Variants in LAMP1 observed in about 807,000 individuals in gnomAD.
LAMP1 encodes the protein lysosome-associated membrane glycoprotein 1.
Under a neutral mutation model 37.5 loss-of-function variants are expected in LAMP1, and 7 were observed. The observed-to-expected ratio is 0.19, with a 90% CI of 0.11 to 0.35. The LOEUF is 0.35. Among genes scored for constraint, LAMP1 ranks in the 10% least tolerant of loss-of-function variants. The probability of loss-of-function intolerance (pLI) is 1.00; values close to 1 mark genes in which losing one functional copy is unlikely to be tolerated. For missense variants in LAMP1, 537 were observed against 552.8 expected, an observed-to-expected ratio of 0.97 and a Z score of 0.29; for synonymous variants, 236 against 229.1, an observed-to-expected ratio of 1.03 and a Z score of -0.27.
Position 113,297,974 on chromosome 13 carries a change from C to T in LAMP1, c.61+479C>T, listed in dbSNP as rs556463012. 3.9e-5 allele frequency among the ~76,000 whole-genome samples: 6 copies of T among 152,288 alleles called. No homozygotes were observed. The South Asian group carries it at 1.2e-3, about 32-fold the overall frequency. ...GATTTCACCCAGGACAGGGAGAAGC[C>T]GGTGCGAGCATTCCCCACCTTTGTA... is the stretch of plus-strand genomic sequence containing the variant. On this transcript the variant is annotated intron_variant, in intron 1 of 8. Transcript: ENST00000332556. The surrounding 1 kb of genome is among the most constrained non-coding windows in gnomAD (Gnocchi z 4.4).
At position 113,323,591 on chromosome 13, in the gene LAMP1, C is replaced by T. The variant is rs900232619; in HGVS notation, c.*1170C>T. On this transcript the variant is annotated 3_prime_UTR_variant, in exon 9 of 9. Coordinates refer to ENST00000332556, the MANE Select transcript of LAMP1 (RefSeq NM_005561.4). ...CGTAGGGAATGGTGTTGGGAGTGGC[C>T]CGAGTGCCTGGCACAGTTGTCTGGT... The T allele has an allele frequency of 6.6e-6, 1 of 150,696 alleles. No individual in the cohort carries two copies. The highest frequency in any genetic ancestry group is 1.5e-5 in the Non-Finnish European group (1 of 67,748). 9.3% of individuals were successfully genotyped at this position (150,696 alleles called of 1,614,324 possible).
In LAMP1 at chr13:113,321,447, A is replaced by T. The variant is rs1173142497; in HGVS notation, c.920A>T (p.Asn307Ile). Residue 307 changes from asparagine (N) to isoleucine (I), a missense_variant, in exon 7 of 9, where the codon AAT becomes ATT. Asn to Ile is a moderately radical substitution (Grantham distance 149, BLOSUM62 -3). Coordinates refer to ENST00000332556, the MANE Select transcript of LAMP1 (RefSeq NM_005561.4). This position sits in a 1 kb window ranked among gnomAD's most constrained non-coding sequence, Gnocchi z 5.6. Reference protein sequence around the residue: ...SRFFLQGIQLNTILPDARDPA... With the variant: ...SRFFLQGIQLITILPDARDPA... ...TTTTTCCTACAAGGAATCCAGTTGA[A>T]TACAATTCTTCCTGACGCCAGAGGT... 1.9e-6 allele frequency: 3 copies of T among 1,614,162 alleles called. No individual in the cohort carries two copies. The South Asian group carries it at 3.3e-5, about 18-fold the overall frequency.
chr13:113,306,379 A>G (rs2042598407), intron 1 of LAMP1, 106 bp from the exon 2 acceptor site: 10 of 1,178,916 alleles, frequency 8.5e-6, no homozygotes, highest in Admixed American at 2.4e-5. Flanking sequence ...GAAACAGTGG[A>G]ATCTTGTAAT....
Position 113,299,672 on chromosome 13 carries a change from A to C in LAMP1, c.61+2177A>C, listed in dbSNP as rs1243130783. Among the ~76,000 whole-genome samples, 11 of 150,778 alleles carry C rather than the reference A, an allele frequency of 7.3e-5. No homozygotes were observed. In the Admixed American group the frequency reaches 7.3e-4, roughly 10 times the overall value. On this transcript the variant is annotated intron_variant, in intron 1 of 8. Transcript: ENST00000332556. ...CAGCCTCCGCCTCTTGTGTTCAAGC[A>C]GTTCTCCTGCCTCAGCCTCCCTAGT...
intron 4 of LAMP1, among the ~76,000 whole-genome samples, chr13:113,313,658 G>T (rs536197517): frequency 2.8e-5 from 4 of 145,450 alleles, no homozygotes; most frequent in African/African-American, 8.0e-5. Context: ...GAGGGAGTCA[G>T]TGTGGAGATG....
At chr13:113,319,904 T>C (rs899261479) in intron 5 of LAMP1, among the ~76,000 whole-genome samples, 4 of 152,372 alleles carry the variant, frequency 2.6e-5, no homozygotes, top group African/African-American at 9.6e-5. Context: ...TATTGGGCAG[T>C]GTGGCCCACA....
intron 1 of LAMP1, among the ~76,000 whole-genome samples, chr13:113,301,949 G>A (rs1181316751): frequency 1.5e-5 from 2 of 134,388 alleles, no homozygotes; most frequent in Non-Finnish European, 1.5e-5. Context: ...TGCAAGCTCC[G>A]CCTCCCAGGT....
intron 2 of LAMP1, among the ~76,000 whole-genome samples, chr13:113,308,035 A>G (rs1243762351): frequency 6.6e-6 from 1 of 151,314 alleles, no homozygotes. Flanking sequence ...TTTCTGAGAC[A>G]GAGTTGCACT....
intron 4 of LAMP1, among the ~76,000 whole-genome samples, chr13:113,312,781 A>C (rs58673575): frequency 0.075 from 11,341 of 152,170 alleles, 1,339 homozygotes; most frequent in African/African-American, 0.25. Context: ...CTGAGGACGG[A>C]CGCCTGGCAG....
intron 4 of LAMP1, among the ~76,000 whole-genome samples, chr13:113,311,710 C>T (rs1279023456): frequency 6.6e-6 from 1 of 152,196 alleles, no homozygotes; most frequent in African/African-American, 2.4e-5. Flanking sequence ...GGGTAGTTTA[C>T]CTCTCATTTT....
In LAMP1 at chr13:113,321,886, C is replaced by G. The variant is rs766189698; in HGVS notation, c.1114+159C>G. 2 of 714,388 alleles carry G rather than the reference C, an allele frequency of 2.8e-6. No individual in the cohort carries two copies. The highest frequency in any genetic ancestry group is 4.6e-6 in the Non-Finnish European group (2 of 437,830). The allele number at this position is 714,388 out of a possible 1,614,324, so 44.3% of individuals were successfully genotyped here. On this transcript the variant is annotated intron_variant, in intron 8 of 8. Coordinates refer to ENST00000332556, the MANE Select transcript of LAMP1 (RefSeq NM_005561.4). This position sits in a 1 kb window ranked among gnomAD's most constrained non-coding sequence, Gnocchi z 5.6. The stretch of plus-strand genomic sequence containing the variant: ...GGTCTGAGATTCTAGAGGTAACTCC[C>G]CCTGCTTTAGAGAGGCCCAGCGTGT...
At chr13:113,298,479 C>T (rs1253588498) in intron 1 of LAMP1, among the ~76,000 whole-genome samples, 1 of 145,344 alleles carries the variant, frequency 6.9e-6, no homozygotes, top group Non-Finnish European at 1.5e-5. Flanking sequence ...GATGTAGAAT[C>T]AAGCTGGGGG....
intron 4 of LAMP1, among the ~76,000 whole-genome samples, chr13:113,315,371 A>C (rs1234418054): frequency 2.1e-5 from 3 of 140,288 alleles, no homozygotes; most frequent in Non-Finnish European, 3.0e-5. Context: ...AGAAAGCCTC[A>C]TGTATCTTGT....
At chr13:113,312,706 C>T (rs1276194485) in intron 4 of LAMP1, among the ~76,000 whole-genome samples, 1 of 152,208 alleles carries the variant, frequency 6.6e-6, no homozygotes, top group East Asian at 1.9e-4. Flanking sequence ...TCACACGGAG[C>T]CTGGAGTCGT....
intron 1 of LAMP1, among the ~76,000 whole-genome samples, chr13:113,301,865 T>C (rs1315255547): frequency 7.5e-6 from 1 of 133,382 alleles, no homozygotes; most frequent in Non-Finnish European, 1.6e-5. Flanking sequence ...TTTCTTTTTT[T>C]TTTTTTTTTT....
In LAMP1 at chr13:113,309,863, G is replaced by C; in HGVS notation, c.403+1G>C. On this transcript the variant is annotated splice_donor_variant, in intron 3 of 8. Coordinates refer to ENST00000332556, the MANE Select transcript of LAMP1 (RefSeq NM_005561.4). LOFTEE classifies it high-confidence loss of function. ...CTTTTCCCCAATGCGAGCTCCAAAG[G>C]TAAGAACCAAAATGGGCCGATTATG... The C allele has an allele frequency of 6.2e-7, 1 of 1,610,720 alleles. No homozygotes were observed. The highest frequency in any genetic ancestry group is 8.5e-7 in the Non-Finnish European group (1 of 1,178,344).
chr13:113,303,891 C>T (rs894313622), intron 1 of LAMP1, among the ~76,000 whole-genome samples: 1 of 152,080 alleles, frequency 6.6e-6, no homozygotes, highest in Non-Finnish European at 1.5e-5. Context: ...GCCTGGCCAA[C>T]ATGGCAAAAC....
chr13:113,309,545 G>T (rs1318583479), intron 2 of LAMP1, 98 bp from the exon 3 acceptor site: 2 of 889,356 alleles, frequency 2.2e-6, no homozygotes, highest in Non-Finnish European at 1.7e-6. Flanking sequence ...AGTTGGAAAT[G>T]AAGTATAAGT....
rs1036113286 is a variant in LAMP1, at chr13:113,297,823, G to A, written c.61+328G>A. ...CTTGCTCGGCGGTCTGGTGCTTTCA[G>A]GTCGTTAAGTTTCCTGGCAAGTTGA... On this transcript the variant is annotated intron_variant, in intron 1 of 8. Coordinates refer to ENST00000332556, the MANE Select transcript of LAMP1 (RefSeq NM_005561.4). This position sits in a 1 kb window ranked among gnomAD's most constrained non-coding sequence, Gnocchi z 4.4. Among the ~76,000 whole-genome samples the A allele has an allele frequency of 1.3e-5, 2 of 152,192 alleles. No homozygotes were observed. The highest frequency in any genetic ancestry group is 4.8e-5 in the African/African-American group (2 of 41,452).
Sources: allele counts gnomAD v4.1 joint callset (sites outside exome capture counted in the v4.1 genomes callset), GRCh38; gene constraint gnomAD v4.1.1; non-coding constraint Gnocchi (gnomAD v3.1); transcripts MANE v1.5; gene names NCBI Gene and HGNC (gene_info 2026-07-23, HGNC 2026-07-21).